The following KCNK2 variants were observed in gnomAD, a reference collection of about 807,000 sequenced individuals.
KCNK2 encodes the protein potassium channel subfamily K member 2.
In KCNK2, 21 loss-of-function variants were observed where a neutral mutation model predicts 40.5. That is an observed-to-expected ratio of 0.52 (90% CI 0.37 to 0.75). The LOEUF is 0.75. KCNK2 is among the 30% of genes least tolerant of loss of function. The pLI is 0.00. For missense variants in KCNK2, 399 were observed against 531.6 expected (o/e 0.75, Z 2.45); for synonymous variants, 191 against 202.2 (o/e 0.94, Z 0.47).
At chr1:215,190,286 C>T (rs531916771) in intron 5 of KCNK2, among the ~76,000 whole-genome samples, 1 of 152,226 alleles carries the variant, frequency 6.6e-6, no homozygotes, top group African/African-American at 2.4e-5. Context: ...GATGCTTGTC[C>T]TCAGACCCAC....
chr1:215,032,495 AT>A (rs1456400237), intron 1 of KCNK2, among the ~76,000 whole-genome samples: 2 of 152,100 alleles, frequency 1.3e-5, no homozygotes, highest in African/African-American at 2.4e-5. Flanking sequence ...GCCTTTCTGT[AT>A]GTAGATTTGA....
chr1:215,029,409 G>A (rs1657107863), intron 1 of KCNK2, among the ~76,000 whole-genome samples: 1 of 150,556 alleles, frequency 6.6e-6, no homozygotes, highest in African/African-American at 2.4e-5. Flanking sequence ...TCACTTAGTG[G>A]TATTAATTTA....
At chr1:215,202,602 C>A (rs1187877245) in intron 6 of KCNK2, among the ~76,000 whole-genome samples, 1 of 152,142 alleles carries the variant, frequency 6.6e-6, no homozygotes, top group Non-Finnish European at 1.5e-5. Context: ...CTTTGTGCTT[C>A]TAACTTCAGG....
intron 1 of KCNK2, among the ~76,000 whole-genome samples, chr1:215,036,524 G>T (rs1657391551): frequency 6.6e-6 from 1 of 150,834 alleles, no homozygotes; most frequent in African/African-American, 2.4e-5. Context: ...TATATATTTT[G>T]AATTTTAAAA....
intron 1 of KCNK2, among the ~76,000 whole-genome samples, chr1:215,034,399 T>G (rs1027793402): frequency 6.6e-6 from 1 of 151,794 alleles, no homozygotes; most frequent in African/African-American, 2.4e-5. Context: ...TTGTACAAGT[T>G]TTTTTGCGAC....
chr1:215,156,739 A>G (rs1031035348), intron 3 of KCNK2, among the ~76,000 whole-genome samples: 5 of 152,296 alleles, frequency 3.3e-5, no homozygotes, highest in South Asian at 4.1e-4. Context: ...TGAAGGGGAC[A>G]CAAGCATGTC....
At chr1:215,036,491 T>C (rs1030378988) in intron 1 of KCNK2, among the ~76,000 whole-genome samples, 15 of 151,982 alleles carry the variant, frequency 9.9e-5, no homozygotes, top group Non-Finnish European at 1.9e-4. Flanking sequence ...GTTCTTTTTT[T>C]TTTAACTTTG....
chr1:215,174,197 A>G lies in KCNK2; in HGVS notation c.823+2014A>G, dbSNP rs1334486865. ...TTCAGCTTTCTACATATGGCTAGCC[A>G]GTTTTCCCAGCACCATTTATTAAAT... is the stretch of plus-strand genomic sequence containing the variant. On this transcript the variant is annotated intron_variant, in intron 5 of 6. Transcript: ENST00000444842. 2.6e-5 allele frequency among the ~76,000 whole-genome samples: 4 copies of G among 152,090 alleles called. No homozygotes were observed. The South Asian group carries it at 8.3e-4, about 31-fold the overall frequency.
Position 215,083,230 on chromosome 1 carries a change from T to TCCCCCCCCCCCCCC in KCNK2, c.-152_-151insCCCCCCCCCCCCCC. ...CCCCCTCCCGCGTCCAGCCCCGCTCTCCCCACCTTGTAAAACAAAGCCGGG... is the reference window on the plus strand; with the variant it reads ...CCCCCTCCCGCGTCCAGCCCCGCTCTCCCCCCCCCCCCCCCCCCACCTTGTAAAACAAAGCCGGG... On this transcript the variant is annotated 5_prime_UTR_variant, in exon 1 of 7. Transcript: ENST00000444842. The TCCCCCCCCCCCCCC allele has an allele frequency of 2.4e-6, 2 of 828,154 alleles. No homozygotes were observed. Among genetic ancestry groups the TCCCCCCCCCCCCCC allele is most frequent in the South Asian group, 2.1e-5 (1 of 48,462 alleles). The allele number at this position is 828,154 out of a possible 1,614,324, so 51.3% of individuals were successfully genotyped here.
chr1:215,035,332 T>C (rs1026163124), intron 1 of KCNK2, among the ~76,000 whole-genome samples: 1 of 152,102 alleles, frequency 6.6e-6, no homozygotes, highest in Non-Finnish European at 1.5e-5. Flanking sequence ...ATTTGACAAG[T>C]GCATAGAGTT....
chr1:215,224,604 C>T (rs539190432), intron 6 of KCNK2, among the ~76,000 whole-genome samples: 2 of 151,928 alleles, frequency 1.3e-5, no homozygotes, highest in Admixed American at 6.6e-5. Flanking sequence ...AATCATGTTA[C>T]ACTTTTTGTG....
intron 1 of KCNK2, among the ~76,000 whole-genome samples, chr1:215,030,315 A>C (rs1657140278): frequency 6.6e-6 from 1 of 150,728 alleles, no homozygotes. Context: ...TTTATCAGGT[A>C]TTTCCATTGC....
At chr1:215,126,535 G>A (rs542571972) in intron 3 of KCNK2, among the ~76,000 whole-genome samples, 18 of 152,152 alleles carry the variant, frequency 1.2e-4, no homozygotes, top group Admixed American at 7.9e-4. Flanking sequence ...TTCTGCCAAC[G>A]AAAATTCAAA....
At chr1:215,093,612 T>C (rs1166701128) in intron 2 of KCNK2, among the ~76,000 whole-genome samples, 1 of 102,874 alleles carries the variant, frequency 9.7e-6, no homozygotes, top group Non-Finnish European at 1.7e-5. Context: ...ATAGTATATA[T>C]AATATATAAT....
intron 3 of KCNK2, among the ~76,000 whole-genome samples, chr1:215,134,190 G>T (rs148929602): frequency 3.2e-4 from 49 of 152,218 alleles, no homozygotes; most frequent in African/African-American, 1.2e-3. Flanking sequence ...TTTTTCTGCA[G>T]TTCTCCACTG....
intron 3 of KCNK2, among the ~76,000 whole-genome samples, chr1:215,134,594 G>A (rs534910528): frequency 9.3e-4 from 142 of 152,194 alleles, no homozygotes; most frequent in South Asian, 7.5e-3. Flanking sequence ...TCAGTCTCCA[G>A]TTCTTCTCAC....
Position 215,210,113 on chromosome 1 carries a change from T to C in KCNK2, c.963+15021T>C, listed in dbSNP as rs962037029. On this transcript the variant is annotated intron_variant, in intron 6 of 6. Transcript: ENST00000444842. ...TATATAAATATATATGTACTATACATACTATATATAAATATACACTATAAA... is the reference window on the plus strand; with the variant it reads ...TATATAAATATATATGTACTATACACACTATATATAAATATACACTATAAA... 7.8e-5 allele frequency among the ~76,000 whole-genome samples: 6 copies of C among 76,812 alleles called. 1 individual carries two copies. Among genetic ancestry groups the C allele is most frequent in the Non-Finnish European group, 1.5e-4 (6 of 40,814 alleles). 50.4% of individuals were successfully genotyped at this position (76,812 alleles called of 152,430 possible).
chr1:215,017,783 C>G (rs527587922), intron 1 of KCNK2, among the ~76,000 whole-genome samples: 1 of 152,160 alleles, frequency 6.6e-6, no homozygotes, highest in East Asian at 1.9e-4. Flanking sequence ...TCCTGAATAG[C>G]TTTTCCACAA....
At chr1:215,209,784 T>G (rs868346016) in intron 6 of KCNK2, among the ~76,000 whole-genome samples, 1 of 80,474 alleles carries the variant, frequency 1.2e-5, no homozygotes, top group Non-Finnish European at 2.1e-5. Flanking sequence ...TATATAAATA[T>G]ATATTATATA....
Sources: allele counts gnomAD v4.1 joint callset (sites outside exome capture counted in the v4.1 genomes callset), GRCh38; gene constraint gnomAD v4.1.1; transcripts MANE v1.5; gene names NCBI Gene and HGNC (gene_info 2026-07-23, HGNC 2026-07-21).